Variants in RBM5 observed in about 807,000 individuals in gnomAD.
The protein encoded by RBM5 is RNA-binding protein 5.
Under a neutral mutation model 124.6 loss-of-function variants are expected in RBM5, and 15 were observed. The observed-to-expected ratio is 0.12, with a 90% CI of 0.08 to 0.19. The LOEUF (loss-of-function observed/expected upper bound fraction) is 0.19, where lower values mean the gene tolerates loss of function less well. Among genes scored for constraint, RBM5 ranks in the 10% least tolerant of loss-of-function variants. The pLI, the probability that RBM5 is intolerant of heterozygous loss-of-function variation, is 1.00. For synonymous variants in RBM5, 337 were observed against 361.2 expected (o/e 0.93, Z 0.76); for missense variants, 580 against 1,026.5 (o/e 0.57, Z 5.94).
chr3:50,118,502 A>G lies in RBM5; in HGVS notation c.*46A>G. The G allele has an allele frequency of 6.3e-7, 1 of 1,594,094 alleles. No individual in the cohort carries two copies. Among genetic ancestry groups the G allele is most frequent in the South Asian group, 1.1e-5 (1 of 88,950 alleles). On this transcript the variant is annotated 3_prime_UTR_variant, in exon 25 of 25. Transcript: ENST00000347869. ...TGACAAGGAGCACAAGAAGTGGTCC[A>G]TCTCCCGAATTCGCTGTTACCGCCT...
Position 50,117,512 on chromosome 3 carries a change from A to G in RBM5, c.2322+133A>G, listed in dbSNP as rs975886796. On this transcript the variant is annotated intron_variant, in intron 24 of 24. Transcript: ENST00000347869. This position sits in a 1 kb window ranked among gnomAD's most constrained non-coding sequence, Gnocchi z 4.2. ...CATGAAGGGGCAGATTACAGGCATG[A>G]GCTCACACCTGTAATCCCAGCACTT... The G allele has an allele frequency of 4.2e-5, 53 of 1,272,014 alleles. No individual in the cohort carries two copies. The highest frequency in any genetic ancestry group is 5.5e-5 in the Non-Finnish European group (51 of 924,038). 78.8% of individuals were successfully genotyped at this position (1,272,014 alleles called of 1,614,324 possible). A position where few individuals can be genotyped will look rare whatever the true frequency, so the allele number is the denominator to read the frequency against.
chr3:50,100,022 C>T lies in RBM5; in HGVS notation c.380C>T (p.Ala127Val), dbSNP rs139289182. ...GAGTCCTTCGAAGGCCCTCAGCCTG[C>T]GGATGTGAGGCTGATGAAGAGGAAA... ...MMESFEGPQP[A>V]DVRLMKRKTG... is the part of the protein sequence containing the mutation. The change falls in exon 5 of 25, where the codon GCG (alanine) becomes GTG (valine). Residue 127 changes from alanine (A) to valine (V), a missense_variant. Physicochemically the swap from Ala to Val is moderately conservative, Grantham distance 64 (BLOSUM62 0). This residue lies in a region of RBM5 where 101 missense variants were observed against 223.2 expected (regional missense o/e 0.45). Transcript: ENST00000347869. The surrounding 1 kb of genome is among the most constrained non-coding windows in gnomAD (Gnocchi z 5.1). 72 of 1,613,688 alleles carry T rather than the reference C, an allele frequency of 4.5e-5. No homozygotes were observed. Among genetic ancestry groups the T allele is most frequent in the South Asian group, 5.5e-5 (5 of 90,964 alleles).
At chr3:50,089,418 G>A (rs1170451655) in intron 1 of RBM5, among the ~76,000 whole-genome samples, 1 of 152,212 alleles carries the variant, frequency 6.6e-6, no homozygotes, top group Non-Finnish European at 1.5e-5. Flanking sequence ...GCTGTTCGGT[G>A]ATCGCCCATC....
intron 6 of RBM5, chr3:50,101,253 T>C (rs1265139048): frequency 6.6e-6 from 1 of 152,238 alleles, no homozygotes; most frequent in African/African-American, 2.4e-5. Context: ...TGAAGTGTTC[T>C]TCAGTTTGTC....
intron 4 of RBM5, 72 bp from the exon 5 acceptor site, chr3:50,099,910 T>C: frequency 3.7e-6 from 5 of 1,345,818 alleles, no homozygotes; most frequent in Non-Finnish European, 5.1e-6. Context: ...AAACAGTTGA[T>C]GTAATTCCTA....
At chr3:50,093,966 T>A in intron 4 of RBM5, 91 bp downstream of exon 4, 1 of 1,441,744 alleles carries the variant, frequency 6.9e-7, no homozygotes, top group Non-Finnish European at 9.5e-7. Flanking sequence ...TGTTTTATCT[T>A]AAGCCAATAG....
intron 6 of RBM5, chr3:50,101,493 TTGAC>T (rs1306796720): frequency 1.3e-5 from 2 of 152,220 alleles, no homozygotes; most frequent in African/African-American, 4.8e-5. Context: ...GGGTATCACT[TTGAC>T]TGACTGATTT....
intron 12 of RBM5, 53 bp downstream of exon 12, chr3:50,107,622 C>CACAG: frequency 8.3e-7 from 1 of 1,208,634 alleles, no homozygotes; most frequent in Non-Finnish European, 1.2e-6. Context: ...TGCCCAGATT[C>CACAG]ACAGACGTGA....
intron 24 of RBM5, chr3:50,118,035 T>G (rs2624826): frequency 0.64 from 272,519 of 422,736 alleles, 90,402 homozygotes; most frequent in East Asian, 0.87. Flanking sequence ...GTAATTACCA[T>G]ACCTTTCCCA....
chr3:50,117,486 G>T lies in RBM5; in HGVS notation c.2322+107G>T, dbSNP rs2091276475. 6.9e-7 allele frequency: 1 copy of T among 1,459,502 alleles called. No individual in the cohort carries two copies. The highest frequency in any genetic ancestry group is 1.4e-5 in the African/African-American group (1 of 71,262). 90.4% of individuals were successfully genotyped at this position (1,459,502 alleles called of 1,614,324 possible). A position where few individuals can be genotyped will look rare whatever the true frequency, so the allele number is the denominator to read the frequency against. On this transcript the variant is annotated intron_variant, in intron 24 of 24. Coordinates refer to ENST00000347869, the MANE Select transcript of RBM5 (RefSeq NM_005778.4). The surrounding 1 kb of genome is among the most constrained non-coding windows in gnomAD (Gnocchi z 4.2). ...GGGAGCCAGGAGCAGCTTTACCTTAGCATGAAGGGGCAGATTACAGGCATG... is the reference window on the plus strand; with the variant it reads ...GGGAGCCAGGAGCAGCTTTACCTTATCATGAAGGGGCAGATTACAGGCATG...
intron 14 of RBM5, 38 bp from the exon 15 acceptor site, chr3:50,109,565 G>A: frequency 1.3e-6 from 2 of 1,564,012 alleles, no homozygotes; most frequent in Non-Finnish European, 1.8e-6. Context: ...TTGGCGTTCA[G>A]TGCCTTGGCT....
intron 4 of RBM5, 107 bp from the exon 5 acceptor site, chr3:50,099,875 A>T (rs2090904610): frequency 5.5e-5 from 18 of 328,374 alleles, no homozygotes; most frequent in East Asian, 8.7e-5. Context: ...CTCCCATCTT[A>T]AAAAAAAAAA....
rs780071703 is a variant in RBM5 at position 50,105,534 on chromosome 3, C to T, written c.695-15C>T. 4 of 1,607,582 alleles carry T rather than the reference C, an allele frequency of 2.5e-6. No individual in the cohort carries two copies. The highest frequency in any genetic ancestry group is 2.2e-5 in the South Asian group (2 of 90,412). On this transcript the variant is annotated splice_polypyrimidine_tract_variant and intron_variant, in intron 9 of 24. Coordinates refer to ENST00000347869, the MANE Select transcript of RBM5 (RefSeq NM_005778.4). ...GGGAATGCATGTGTATGTCATTTGT[C>T]TCATTTACCCCTAGCGATCATTCTT...
intron 2 of RBM5, 52 bp downstream of exon 2, chr3:50,090,503 A>T (rs2090684764): frequency 1.4e-5 from 22 of 1,595,314 alleles, no homozygotes; most frequent in Non-Finnish European, 1.7e-5. Flanking sequence ...TGGGGACTGA[A>T]CTCCTTGTTT....
intron 15 of RBM5, among the ~76,000 whole-genome samples, chr3:50,110,067 C>T (rs539399947): frequency 9.9e-5 from 15 of 152,152 alleles, no homozygotes; most frequent in African/African-American, 2.2e-4. Flanking sequence ...AAAAATTAGC[C>T]GGGCGTGGTG....
intron 12 of RBM5, among the ~76,000 whole-genome samples, 154 bp downstream of exon 12, chr3:50,107,723 G>A (rs546926879): frequency 2.7e-5 from 3 of 110,788 alleles, no homozygotes; most frequent in African/African-American, 3.4e-5. Flanking sequence ...TATCACTCTC[G>A]TCACCCGGGC....
chr3:50,109,493 G>A, intron 14 of RBM5, 110 bp from the exon 15 acceptor site: 11 of 817,464 alleles, frequency 1.3e-5, no homozygotes, highest in Middle Eastern at 2.3e-4. Flanking sequence ...AGCTTATGAA[G>A]AACTGACATA....
At chr3:50,103,039 A>G in intron 6 of RBM5, 44 bp from the exon 7 acceptor site, 1 of 1,442,946 alleles carries the variant, frequency 6.9e-7, no homozygotes, top group African/African-American at 1.4e-5. Context: ...AAATGGACAC[A>G]TGTTCCTCAC....
rs1178444312 is a variant in RBM5, at chr3:50,103,569, A to G, written c.567+403A>G. On this transcript the variant is annotated intron_variant, in intron 7 of 24. Coordinates refer to ENST00000347869, the MANE Select transcript of RBM5 (RefSeq NM_005778.4). ...GTTGAGGCAGGAAAATCTCTTGAAC[A>G]CGGGAGGCAGAGGTTGCAATGAGCC... 1.1e-4 allele frequency among the ~76,000 whole-genome samples: 16 copies of G among 152,180 alleles called. No homozygotes were observed. The East Asian group carries it at 3.1e-3, about 29-fold the overall frequency.
Sources: gnomAD v4.1 joint callset for allele counts (sites outside exome capture counted in the v4.1 genomes callset) on GRCh38, gnomAD v4.1.1 for gene constraint, gnomAD v4.1.1 regional missense constraint, Gnocchi (gnomAD v3.1) non-coding constraint, MANE v1.5 for transcripts, NCBI Gene and HGNC (gene_info 2026-07-23, HGNC 2026-07-21) for gene names.